Variants in CNTNAP5 observed in about 807,000 individuals in gnomAD.
The protein encoded by CNTNAP5 is contactin-associated protein-like 5.
Under a neutral mutation model 150.2 loss-of-function variants are expected in CNTNAP5, and 72 were observed. That is an observed-to-expected ratio of 0.48 (90% confidence interval 0.40 to 0.58). The LOEUF (loss-of-function observed/expected upper bound fraction) is 0.58, where lower values mean the gene tolerates loss of function less well. Among genes scored for constraint, CNTNAP5 ranks in the 20% least tolerant of loss-of-function variants. The pLI, the probability that CNTNAP5 is intolerant of heterozygous loss-of-function variation, is 0.00. For synonymous variants in CNTNAP5, 672 were observed against 619.8 expected, an observed-to-expected ratio of 1.08 and a Z score of -1.25; for missense variants, 1,636 against 1,626.2, an observed-to-expected ratio of 1.01 and a Z score of -0.10.
intron 10 of CNTNAP5, among the ~76,000 whole-genome samples, chr2:124,537,037 T>TGTGTGTGAGA (rs763560577): frequency 3.3e-5 from 5 of 150,644 alleles, no homozygotes; most frequent in African/African-American, 1.2e-4. Context: ...TGTGTGTGTG[T>TGTGTGTGAGA]GAGAGAGAGA....
At chr2:124,632,472 A>C (rs775526543) in intron 12 of CNTNAP5, among the ~76,000 whole-genome samples, 1 of 151,454 alleles carries the variant, frequency 6.6e-6, no homozygotes. Flanking sequence ...CAAACACTAC[A>C]TGTTCTCACT....
At chr2:124,216,535 C>G (rs1686161101) in intron 1 of CNTNAP5, among the ~76,000 whole-genome samples, 1 of 152,040 alleles carries the variant, frequency 6.6e-6, no homozygotes, top group South Asian at 2.1e-4. Context: ...GCTATTCCTC[C>G]CACCTCCTCC....
At chr2:124,282,320 A>G (rs1407473887) in intron 3 of CNTNAP5, among the ~76,000 whole-genome samples, 1 of 152,224 alleles carries the variant, frequency 6.6e-6, no homozygotes, top group African/African-American at 2.4e-5. Flanking sequence ...AGAACTGATC[A>G]GTATAAAGAA....
At chr2:124,278,742 A>G (rs1473025864) in intron 3 of CNTNAP5, among the ~76,000 whole-genome samples, 1 of 152,146 alleles carries the variant, frequency 6.6e-6, no homozygotes, top group South Asian at 2.1e-4. Flanking sequence ...ATTGAGTTAC[A>G]TTGGTTTCTA....
At chr2:124,716,335 A>G (rs1679944209) in intron 13 of CNTNAP5, among the ~76,000 whole-genome samples, 1 of 152,162 alleles carries the variant, frequency 6.6e-6, no homozygotes. Context: ...AATTGCCATC[A>G]ACATATATCG....
At chr2:124,398,744 A>G (rs1691328185) in intron 3 of CNTNAP5, among the ~76,000 whole-genome samples, 1 of 152,118 alleles carries the variant, frequency 6.6e-6, no homozygotes, top group African/African-American at 2.4e-5. Context: ...GCTTCCCAAA[A>G]TGCTGGGATT....
chr2:124,260,333 G>A (rs945154615), intron 3 of CNTNAP5, among the ~76,000 whole-genome samples: 1 of 152,174 alleles, frequency 6.6e-6, no homozygotes, highest in Non-Finnish European at 1.5e-5. Context: ...GCTGAAACTG[G>A]ATCCCTTCCT....
intron 7 of CNTNAP5, among the ~76,000 whole-genome samples, chr2:124,493,411 G>A (rs1238490366): frequency 1.3e-5 from 2 of 151,832 alleles, no homozygotes; most frequent in Admixed American, 1.3e-4. Flanking sequence ...TGTGATCTCA[G>A]CTCACTGCAA....
Position 124,914,080 on chromosome 2 carries a change from C to T in CNTNAP5, c.3728-12C>T. The T allele has an allele frequency of 6.2e-7, 1 of 1,600,520 alleles. No homozygotes were observed. Among genetic ancestry groups the T allele is most frequent in the Non-Finnish European group, 8.5e-7 (1 of 1,169,842 alleles). ...CGATTTCCTTCTCTCTTTCCTTCCCCTTTCTCTCCAGGGGTGATAGCAGTG... is the reference window on the plus strand; with the variant it reads ...CGATTTCCTTCTCTCTTTCCTTCCCTTTTCTCTCCAGGGGTGATAGCAGTG... On this transcript the variant is annotated splice_polypyrimidine_tract_variant and intron_variant, in intron 23 of 23. Transcript: ENST00000682447.
At chr2:124,221,888 CAGACA>C in intron 2 of CNTNAP5, 79 bp downstream of exon 2, 3 of 884,610 alleles carry the variant, frequency 3.4e-6, no homozygotes, top group Non-Finnish European at 5.4e-6. Context: ...TGAGCACTCT[CAGACA>C]CTGAAATCAT....
At chr2:124,630,299 A>T (rs1677824264) in intron 12 of CNTNAP5, among the ~76,000 whole-genome samples, 1 of 152,208 alleles carries the variant, frequency 6.6e-6, no homozygotes, top group Non-Finnish European at 1.5e-5. Context: ...AATATCCCTG[A>T]TGAACATTGA....
At chr2:124,617,462 T>C (rs910958469) in intron 12 of CNTNAP5, among the ~76,000 whole-genome samples, 1 of 152,140 alleles carries the variant, frequency 6.6e-6, no homozygotes, top group East Asian at 1.9e-4. Flanking sequence ...CTCAGCACTT[T>C]AATCTCTGCC....
At chr2:124,190,173 T>G (rs968188772) in intron 1 of CNTNAP5, among the ~76,000 whole-genome samples, 3 of 152,204 alleles carry the variant, frequency 2.0e-5, no homozygotes, top group Non-Finnish European at 1.5e-5. Flanking sequence ...CTCTTTTTAT[T>G]CCATAATGTG....
chr2:124,647,609 G>T (rs1678230129), intron 12 of CNTNAP5, 149 bp from the exon 13 acceptor site: 3 of 640,626 alleles, frequency 4.7e-6, no homozygotes, highest in Non-Finnish European at 7.5e-6. Context: ...GGAGCTCCAT[G>T]GGGAAACACA....
chr2:124,484,462 G>A (rs1573405136), intron 7 of CNTNAP5, among the ~76,000 whole-genome samples: 1 of 152,296 alleles, frequency 6.6e-6, no homozygotes, highest in East Asian at 1.9e-4. Flanking sequence ...ACAAAATTTA[G>A]ATAAAGTTTT....
intron 1 of CNTNAP5, among the ~76,000 whole-genome samples, chr2:124,129,454 C>G (rs1023047519): frequency 6.6e-6 from 1 of 152,048 alleles, no homozygotes; most frequent in Non-Finnish European, 1.5e-5. Context: ...ATCCTCATCC[C>G]CTTCTGTAAC....
intron 16 of CNTNAP5, among the ~76,000 whole-genome samples, chr2:124,769,825 C>T (rs1315499127): frequency 2.0e-5 from 3 of 152,132 alleles, no homozygotes; most frequent in Non-Finnish European, 2.9e-5. Flanking sequence ...ACTGGGTCAG[C>T]TTACTTAGGT....
At chr2:124,586,765 G>T (rs148834332) in intron 11 of CNTNAP5, among the ~76,000 whole-genome samples, 3 of 152,146 alleles carry the variant, frequency 2.0e-5, no homozygotes, top group African/African-American at 7.2e-5. Flanking sequence ...GATCCTTCCA[G>T]GGCAACCTCC....
chr2:124,087,565 T>C (rs1430739639), intron 1 of CNTNAP5, among the ~76,000 whole-genome samples: 1 of 151,666 alleles, frequency 6.6e-6, no homozygotes, highest in African/African-American at 2.4e-5. Context: ...CTACTAAAAA[T>C]ACAAAAATTA....
Sources: allele counts gnomAD v4.1 joint callset (sites outside exome capture counted in the v4.1 genomes callset), GRCh38; gene constraint gnomAD v4.1.1; transcripts MANE v1.5; gene names NCBI Gene and HGNC (gene_info 2026-07-23, HGNC 2026-07-21).